The following MGAT5 variants were observed in gnomAD, a reference collection of about 807,000 sequenced individuals.
MGAT5 encodes alpha-1,6-mannosylglycoprotein 6-beta-N-acetylglucosaminyltransferase.
In MGAT5, 30 loss-of-function variants were observed where a neutral mutation model predicts 94.3. That is an observed-to-expected ratio of 0.32 (90% CI 0.24 to 0.43). The LOEUF (loss-of-function observed/expected upper bound fraction) is 0.43. Ranked by LOEUF, MGAT5 falls within the 20% of genes least tolerant of loss-of-function variation. The pLI is 1.00. For synonymous variants in MGAT5, 310 were observed against 322.9 expected (o/e 0.96, Z 0.43); for missense variants, 691 against 905.5 (o/e 0.76, Z 3.04).
At chr2:134,140,924 G>A (rs1200468976) in intron 1 of MGAT5, among the ~76,000 whole-genome samples, 1 of 152,202 alleles carries the variant, frequency 6.6e-6, no homozygotes, top group African/African-American at 2.4e-5. Context: ...CCCACACTGT[G>A]TGGCTGCTGT....
chr2:134,148,953 C>G (rs1687050661), intron 1 of MGAT5, among the ~76,000 whole-genome samples: 1 of 151,922 alleles, frequency 6.6e-6, no homozygotes, highest in African/African-American at 2.4e-5. Flanking sequence ...TTAGTAGAGG[C>G]TTGGTTTCGC....
intron 1 of MGAT5, among the ~76,000 whole-genome samples, chr2:134,158,798 C>A (rs1212366345): frequency 6.6e-6 from 1 of 152,222 alleles, no homozygotes; most frequent in Non-Finnish European, 1.5e-5. Context: ...TGGATCCCCC[C>A]AAAGAGCTTT....
At chr2:134,341,856 G>A in intron 7 of MGAT5, 97 bp downstream of exon 7, 1 of 1,092,996 alleles carries the variant, frequency 9.1e-7, no homozygotes, top group Non-Finnish European at 1.3e-6. Flanking sequence ...TTTTTGTCGA[G>A]GAAAATGAAA....
chr2:134,213,469 T>TA (rs1217513277), intron 1 of MGAT5, among the ~76,000 whole-genome samples: 1 of 152,192 alleles, frequency 6.6e-6, no homozygotes, highest in African/African-American at 2.4e-5. Flanking sequence ...ACTCTCCAGG[T>TA]AATAACTGGA....
intron 1 of MGAT5, among the ~76,000 whole-genome samples, chr2:134,216,748 C>T (rs1173839662): frequency 1.3e-5 from 2 of 152,328 alleles, no homozygotes; most frequent in East Asian, 1.9e-4. Context: ...CATTTCTGCT[C>T]TACCTCTAGG....
chr2:134,441,761 T>G lies in MGAT5; in HGVS notation c.1873T>G (p.Phe625Val). ...RINAFIEKQD[F>V]CHGQVMWPPL... The stretch of plus-strand genomic sequence containing the variant: ...GATGGCTTCATTGTCGTTCTAGGAC[T>G]TCTGCCATGGGCAAGTGATGTGGCC... Residue 625 changes from phenylalanine (F) to valine (V), a missense_variant, in exon 15 of 16, where the codon TTC becomes GTC. Around this residue, in one of 4 missense-constraint regions of MGAT5, gnomAD observed 260 missense variants for 347.0 expected, o/e 0.75. Coordinates refer to ENST00000281923, the MANE Select transcript of MGAT5 (RefSeq NM_002410.5). 1 of 1,611,360 alleles carries G rather than the reference T, an allele frequency of 6.2e-7. No individual in the cohort carries two copies. Among genetic ancestry groups the G allele is most frequent in the Non-Finnish European group, 8.5e-7 (1 of 1,177,878 alleles).
At chr2:134,431,361 A>G (rs1025066001) in intron 14 of MGAT5, among the ~76,000 whole-genome samples, 1 of 152,162 alleles carries the variant, frequency 6.6e-6, no homozygotes, top group African/African-American at 2.4e-5. Flanking sequence ...ATGTTCCTAA[A>G]TGAGCAATAA....
intron 6 of MGAT5, 73 bp from the exon 7 acceptor site, chr2:134,341,517 C>T: frequency 7.8e-7 from 1 of 1,274,090 alleles, no homozygotes; most frequent in Non-Finnish European, 1.1e-6. Flanking sequence ...ATTGGTCAAT[C>T]ATTTCTTGGC....
rs1054919423 is a variant in MGAT5, at chr2:134,453,292, T to C, written c.*4445T>C. 6.6e-6 allele frequency: 1 copy of C among 152,172 alleles called. No individual in the cohort carries two copies. The highest frequency in any genetic ancestry group is 1.5e-5 in the Non-Finnish European group (1 of 68,032). 9.4% of individuals were successfully genotyped at this position (152,172 alleles called of 1,614,324 possible). A position where few individuals can be genotyped will look rare whatever the true frequency, so the allele number is the denominator to read the frequency against. ...TTACTGTATTCTTGAATGCACTGGT[T>C]TGAAAATATGCCAGACTTCAGCCCC... is the stretch of plus-strand genomic sequence containing the variant. On this transcript the variant is annotated 3_prime_UTR_variant, in exon 16 of 16. Coordinates refer to ENST00000281923, the MANE Select transcript of MGAT5 (RefSeq NM_002410.5).
intron 2 of MGAT5, among the ~76,000 whole-genome samples, chr2:134,285,748 AT>A (rs950667576): frequency 2.0e-5 from 3 of 151,814 alleles, no homozygotes; most frequent in Non-Finnish European, 4.4e-5. Context: ...CTTATCTTGC[AT>A]TTTTTTGAGG....
chr2:134,205,807 G>A (rs1394684026), intron 1 of MGAT5, among the ~76,000 whole-genome samples: 1 of 152,212 alleles, frequency 6.6e-6, no homozygotes, highest in Non-Finnish European at 1.5e-5. Context: ...CCAACAAGGT[G>A]AGTTCTGGGA....
chr2:134,273,588 A>T (rs1490912680), intron 2 of MGAT5, among the ~76,000 whole-genome samples: 1 of 151,666 alleles, frequency 6.6e-6, no homozygotes, highest in African/African-American at 2.4e-5. Flanking sequence ...TTGAAGAAGG[A>T]TTCCCTAAAT....
At chr2:134,227,944 T>A (rs1479644408) in intron 1 of MGAT5, among the ~76,000 whole-genome samples, 1 of 152,110 alleles carries the variant, frequency 6.6e-6, no homozygotes, top group Admixed American at 6.5e-5. Flanking sequence ...AGACATTAGG[T>A]AGACAGAATG....
chr2:134,333,457 A>C, intron 4 of MGAT5, among the ~76,000 whole-genome samples: 1 of 123,638 alleles, frequency 8.1e-6, no homozygotes, highest in African/African-American at 3.1e-5. Flanking sequence ...GGGGGGAGGG[A>C]TAGCATTAGG....
At chr2:134,324,754 G>A (rs1354407067) in intron 4 of MGAT5, among the ~76,000 whole-genome samples, 1 of 152,048 alleles carries the variant, frequency 6.6e-6, no homozygotes, top group African/African-American at 2.4e-5. Flanking sequence ...GTTTTGGGGT[G>A]GGTCAGGGAG....
intron 1 of MGAT5, among the ~76,000 whole-genome samples, chr2:134,236,545 C>T (rs1335144299): frequency 1.3e-5 from 2 of 152,130 alleles, no homozygotes; most frequent in African/African-American, 4.8e-5. Flanking sequence ...GGACCTTCCC[C>T]CCCCTTTTGC....
intron 11 of MGAT5, among the ~76,000 whole-genome samples, chr2:134,405,811 C>G (rs1388365441): frequency 2.0e-5 from 3 of 152,196 alleles, no homozygotes; most frequent in Non-Finnish European, 4.4e-5. Context: ...CTTAGGAAAC[C>G]CTCTGCTCAG....
rs1216470024 is a variant in MGAT5 at position 134,451,230 on chromosome 2, T to G, written c.*2383T>G. 6.6e-6 allele frequency: 1 copy of G among 152,254 alleles called. No individual in the cohort carries two copies. Among genetic ancestry groups the G allele is most frequent in the Non-Finnish European group, 1.5e-5 (1 of 68,110 alleles). The allele number at this position is 152,254 out of a possible 1,614,324, so 9.4% of individuals were successfully genotyped here. A position where few individuals can be genotyped will look rare whatever the true frequency, so the allele number is the denominator to read the frequency against. ...AGGCCTCCCTACCTTCCCCTTCTTT[T>G]CCAAGTCACAACCCGCCCTGCCCGG... On this transcript the variant is annotated 3_prime_UTR_variant, in exon 16 of 16. Coordinates refer to ENST00000281923, the MANE Select transcript of MGAT5 (RefSeq NM_002410.5).
chr2:134,327,497 T>A (rs897231157), intron 4 of MGAT5, among the ~76,000 whole-genome samples: 3 of 152,068 alleles, frequency 2.0e-5, no homozygotes, highest in African/African-American at 7.2e-5. Context: ...ACTAAGTGAC[T>A]AATGTGAGTG....
Sources: allele counts gnomAD v4.1 joint callset (sites outside exome capture counted in the v4.1 genomes callset), GRCh38; gene constraint gnomAD v4.1.1; regional missense constraint gnomAD v4.1.1; transcripts MANE v1.5; gene names NCBI Gene and HGNC (gene_info 2026-07-23, HGNC 2026-07-21).